SDK2: variants seen among roughly 807,000 people sequenced by gnomAD.
SDK2 encodes the protein protein sidekick-2.
A neutral mutation model predicts 253.9 loss-of-function variants in SDK2; 105 were observed. The ratio of observed to expected loss-of-function variants is 0.41; its 90% CI spans 0.35 to 0.49. The LOEUF (loss-of-function observed/expected upper bound fraction) is 0.49, where lower values mean the gene tolerates loss of function less well. Among genes scored for constraint, SDK2 ranks in the 20% least tolerant of loss-of-function variants. The pLI is 0.06. For synonymous variants in SDK2, 1,249 were observed against 1,234.9 expected, an observed-to-expected ratio of 1.01 and a Z score of -0.24; for missense variants, 2,608 against 3,003.0, an observed-to-expected ratio of 0.87 and a Z score of 3.07.
chr17:73,576,528 A>G (rs2045460858), intron 1 of SDK2, among the ~76,000 whole-genome samples: 1 of 152,234 alleles, frequency 6.6e-6, no homozygotes, highest in Non-Finnish European at 1.5e-5. Flanking sequence ...TGCCGGACAC[A>G]GGTGGAGTTC....
At chr17:73,397,999 G>C (rs1385102731) in intron 24 of SDK2, 36 bp downstream of exon 24, 3 of 1,601,958 alleles carry the variant, frequency 1.9e-6, no homozygotes, top group Non-Finnish European at 2.5e-6. Flanking sequence ...AGAAGCTCAT[G>C]GAGAGGTCCC....
Position 73,570,663 on chromosome 17 carries a change from G to C in SDK2, c.65-63066C>G, listed in dbSNP as rs1370839521. Among the ~76,000 whole-genome samples, 1 of 152,202 alleles carries C rather than the reference G, an allele frequency of 6.6e-6. No homozygotes were observed. The highest frequency in any genetic ancestry group is 1.5e-5 in the Non-Finnish European group (1 of 68,034). On this transcript the variant is annotated intron_variant, in intron 1 of 44. Transcript: ENST00000392650. This position sits in a 1 kb window ranked among gnomAD's most constrained non-coding sequence, Gnocchi z 4.2. ...CCACAAAGGGCACTGCTTTAGCTCT[G>C]TTTTACAGATGGGAAGGCTGAGGCT...
intron 1 of SDK2, among the ~76,000 whole-genome samples, chr17:73,613,147 C>T (rs2045998698): frequency 6.6e-6 from 1 of 152,182 alleles, no homozygotes; most frequent in Non-Finnish European, 1.5e-5. Flanking sequence ...GAGACTTTCT[C>T]CTGCAGCGCT....
chr17:73,577,138 C>T (rs2045468565), intron 1 of SDK2, among the ~76,000 whole-genome samples: 1 of 152,160 alleles, frequency 6.6e-6, no homozygotes, highest in Non-Finnish European at 1.5e-5. Flanking sequence ...AATGACTGTC[C>T]TGGAAGCAGA....
chr17:73,414,063 T>G (rs192757635), intron 18 of SDK2, among the ~76,000 whole-genome samples: 9 of 151,890 alleles, frequency 5.9e-5, no homozygotes, highest in Admixed American at 5.9e-4. Context: ...TTTTTTTTTT[T>G]TGGGACAGAG....
In SDK2 at chr17:73,486,132, G is replaced by T. The variant is rs150110482; in HGVS notation, c.225-13914C>A. Among the ~76,000 whole-genome samples, 1,174 of 152,284 alleles carry T rather than the reference G, an allele frequency of 7.7e-3. 6 individuals carry two copies. The highest frequency in any genetic ancestry group is 0.017 in the Middle Eastern group (5 of 294). On this transcript the variant is annotated intron_variant, in intron 2 of 44. Coordinates refer to ENST00000392650, the MANE Select transcript of SDK2 (RefSeq NM_001144952.2). ...TCTGGGGTAGGCGGCAGTTTCAGTG[G>T]GCACAGCTGGCAAGGAGAGGAGGGG...
At chr17:73,394,183 C>A in intron 26 of SDK2, 26 bp downstream of exon 26, 1 of 1,446,938 alleles carries the variant, frequency 6.9e-7, no homozygotes, top group East Asian at 2.5e-5. Context: ...TGTAGGGACC[C>A]CACCTCCTGG....
intron 37 of SDK2, among the ~76,000 whole-genome samples, chr17:73,367,049 G>A (rs1444885029): frequency 1.3e-5 from 2 of 152,102 alleles, no homozygotes; most frequent in Admixed American, 1.3e-4. Flanking sequence ...TGTCACCCAG[G>A]CTGGAGTGCA....
In SDK2 at chr17:73,612,654, C is replaced by T. The variant is rs1239272217; in HGVS notation, c.64+31371G>A. 6.6e-6 allele frequency among the ~76,000 whole-genome samples: 1 copy of T among 152,122 alleles called. No individual in the cohort carries two copies. Among genetic ancestry groups the T allele is most frequent in the Non-Finnish European group, 1.5e-5 (1 of 68,028 alleles). On this transcript the variant is annotated intron_variant, in intron 1 of 44. Transcript: ENST00000392650. The surrounding 1 kb of genome is among the most constrained non-coding windows in gnomAD (Gnocchi z 4.4). ...TAACAGTAGGCCAGGCGAGGTGGCT[C>T]ACACCTGTAATCCCAGCATTTTGGG...
In SDK2 at chr17:73,612,306, T is replaced by C. The variant is rs1372828206; in HGVS notation, c.64+31719A>G. ...ACCTGGGCTGCAGGCTGGCCCCGCA[T>C]GGTCCCCTACCCTCATCGGGTCACT... On this transcript the variant is annotated intron_variant, in intron 1 of 44. Transcript: ENST00000392650. This position sits in a 1 kb window ranked among gnomAD's most constrained non-coding sequence, Gnocchi z 4.4. Among the ~76,000 whole-genome samples the C allele has an allele frequency of 3.5e-5, 5 of 142,116 alleles. No individual in the cohort carries two copies. The highest frequency in any genetic ancestry group is 7.7e-5 in the Non-Finnish European group (5 of 65,266). The allele number at this position is 142,116 out of a possible 152,430, so 93.2% of individuals were successfully genotyped here.
chr17:73,350,896 G>C, intron 41 of SDK2, 106 bp from the exon 42 acceptor site: 1 of 1,202,274 alleles, frequency 8.3e-7, no homozygotes, highest in South Asian at 1.5e-5. Flanking sequence ...TGGGAAGGCA[G>C]GGTCTGTACC....
chr17:73,396,488 C>T (rs551302168), intron 24 of SDK2, among the ~76,000 whole-genome samples: 17 of 151,162 alleles, frequency 1.1e-4, no homozygotes, highest in Non-Finnish European at 1.9e-4. Context: ...TCCTCACCTT[C>T]GGCCCCAACC....
chr17:73,454,303 CTT>C (rs1567782256), intron 4 of SDK2, among the ~76,000 whole-genome samples: 1 of 152,258 alleles, frequency 6.6e-6, no homozygotes, highest in Non-Finnish European at 1.5e-5. Flanking sequence ...CAAACACTAT[CTT>C]TTCATCGAGT....
chr17:73,464,039 G>T (rs1252067946), intron 3 of SDK2, among the ~76,000 whole-genome samples: 1 of 152,176 alleles, frequency 6.6e-6, no homozygotes, highest in Non-Finnish European at 1.5e-5. Context: ...AACCTGGTGG[G>T]CACGGAATGG....
chr17:73,429,576 A>G (rs1457376016), intron 12 of SDK2, among the ~76,000 whole-genome samples: 1 of 152,262 alleles, frequency 6.6e-6, no homozygotes, highest in Non-Finnish European at 1.5e-5. Context: ...GCGCCCCAGG[A>G]CGCAGCTGCC....
At position 73,412,030 on chromosome 17, in the gene SDK2, A is replaced by ATATG. The variant is rs1176437211; in HGVS notation, c.2484+2613_2484+2614insCATA. On this transcript the variant is annotated intron_variant, in intron 18 of 44. Transcript: ENST00000392650. ...TATATGTAGATATACGTATATGTATATATACGTATATATATGTATATACGT... is the reference window on the plus strand; with the variant it reads ...TATATGTAGATATACGTATATGTATATATGTATACGTATATATATGTATATACGT... Among the ~76,000 whole-genome samples, 15 of 1,728 alleles carry ATATG rather than the reference A, an allele frequency of 8.7e-3. 4 individuals carry two copies. The highest frequency in any genetic ancestry group is 0.014 in the African/African-American group (11 of 806). 1.1% of individuals were successfully genotyped at this position (1,728 alleles called of 152,430 possible).
intron 36 of SDK2, among the ~76,000 whole-genome samples, chr17:73,374,721 G>A (rs1350046229): frequency 6.6e-6 from 1 of 151,796 alleles, no homozygotes; most frequent in Non-Finnish European, 1.5e-5. Flanking sequence ...GCCCGCCTTG[G>A]GCTCCCAAAG....
At chr17:73,371,351 G>A (rs906124008) in intron 36 of SDK2, among the ~76,000 whole-genome samples, 6 of 152,186 alleles carry the variant, frequency 3.9e-5, no homozygotes, top group Admixed American at 2.0e-4. Flanking sequence ...CCAGCATTCA[G>A]TGGTTGGTGG....
intron 36 of SDK2, among the ~76,000 whole-genome samples, chr17:73,369,450 C>T (rs2145439816): frequency 6.6e-6 from 1 of 152,350 alleles, no homozygotes. Flanking sequence ...AGCTGCACCG[C>T]ATACAGCAGC....
Sources: gnomAD v4.1 joint callset for allele counts (sites outside exome capture counted in the v4.1 genomes callset) on GRCh38, gnomAD v4.1.1 for gene constraint, Gnocchi (gnomAD v3.1) non-coding constraint, MANE v1.5 for transcripts, NCBI Gene and HGNC (gene_info 2026-07-23, HGNC 2026-07-21) for gene names.